The following MAPKAP1 variants were observed in gnomAD, a reference collection of about 807,000 sequenced individuals.
MAPKAP1 encodes MAPK associated protein 1.
Under a neutral mutation model 65.7 loss-of-function variants are expected in MAPKAP1, and 20 were observed. The observed-to-expected ratio is 0.30, with a 90% CI of 0.21 to 0.44. The LOEUF (loss-of-function observed/expected upper bound fraction) is 0.44. MAPKAP1 is among the 20% of genes least tolerant of loss of function. The pLI is 1.00. For missense variants in MAPKAP1, 423 were observed against 648.0 expected (o/e 0.65, Z 3.77); for synonymous variants, 222 against 244.3 (o/e 0.91, Z 0.85).
intron 5 of MAPKAP1, among the ~76,000 whole-genome samples, chr9:125,578,313 TG>T (rs1180012844): frequency 3.8e-4 from 58 of 152,116 alleles, no homozygotes; most frequent in African/African-American, 1.4e-3. Context: ...CAGGGTCCTC[TG>T]CCTAGGAAAA....
intron 7 of MAPKAP1, among the ~76,000 whole-genome samples, chr9:125,514,507 T>C (rs1472869455): frequency 6.6e-6 from 1 of 152,202 alleles, no homozygotes; most frequent in Admixed American, 6.5e-5. Flanking sequence ...TGACATTTAC[T>C]TGTCATTTTT....
chr9:125,467,825 T>G, intron 10 of MAPKAP1, 147 bp downstream of exon 10: 1 of 871,770 alleles, frequency 1.1e-6, no homozygotes, highest in Non-Finnish European at 1.8e-6. Flanking sequence ...TACAATCCCG[T>G]TTGATTAAAA....
chr9:125,594,078 C>T (rs559898059), intron 4 of MAPKAP1, among the ~76,000 whole-genome samples: 1 of 152,354 alleles, frequency 6.6e-6, no homozygotes, highest in Admixed American at 6.5e-5. Flanking sequence ...CCTCCCAAAT[C>T]TCTCTCCTTC....
chr9:125,496,625 C>T (rs780585209), intron 8 of MAPKAP1, among the ~76,000 whole-genome samples: 1 of 152,130 alleles, frequency 6.6e-6, no homozygotes, highest in East Asian at 1.9e-4. Flanking sequence ...ACAGAGCACA[C>T]GCAGGAGGAA....
chr9:125,615,504 C>T (rs533950300), intron 4 of MAPKAP1, among the ~76,000 whole-genome samples: 13 of 146,246 alleles, frequency 8.9e-5, no homozygotes, highest in African/African-American at 3.4e-4. Flanking sequence ...ACCAGCCTGG[C>T]CAACATGGCA....
chr9:125,505,344 G>T (rs993933003), intron 8 of MAPKAP1, among the ~76,000 whole-genome samples: 2 of 152,130 alleles, frequency 1.3e-5, no homozygotes, highest in African/African-American at 4.8e-5. Flanking sequence ...AGAATCGCTT[G>T]AACCTGGGAG....
intron 1 of MAPKAP1, among the ~76,000 whole-genome samples, chr9:125,676,442 C>A (rs537073626): frequency 6.6e-6 from 1 of 152,296 alleles, no homozygotes; most frequent in South Asian, 2.1e-4. Flanking sequence ...ATTGTTCAGC[C>A]TTCAAACACA....
intron 4 of MAPKAP1, among the ~76,000 whole-genome samples, chr9:125,617,972 T>C (rs953455166): frequency 1.3e-5 from 2 of 152,190 alleles, no homozygotes; most frequent in Non-Finnish European, 2.9e-5. Context: ...ATTTAATTTT[T>C]TCTAATTTAA....
At chr9:125,513,407 T>C (rs914513100) in intron 7 of MAPKAP1, among the ~76,000 whole-genome samples, 3 of 152,146 alleles carry the variant, frequency 2.0e-5, no homozygotes, top group Non-Finnish European at 4.4e-5. Flanking sequence ...ATTCACCAAT[T>C]TAAAGAGCTG....
intron 4 of MAPKAP1, among the ~76,000 whole-genome samples, chr9:125,598,407 A>C (rs930421028): frequency 6.6e-6 from 1 of 152,244 alleles, no homozygotes; most frequent in Non-Finnish European, 1.5e-5. Context: ...AGCTTAAAAT[A>C]AAATTGACAA....
rs187546991 is a variant in MAPKAP1, at chr9:125,537,533, G to A, written c.958+5526C>T. On this transcript the variant is annotated intron_variant, in intron 7 of 11. Transcript: ENST00000265960. Reference sequence around the variant, plus strand: ...GTCTTGCTCTGTCACCCAGGCTGAAGTGCAGTAGTGTGATCATGCCTCACT... The same window carrying A: ...GTCTTGCTCTGTCACCCAGGCTGAAATGCAGTAGTGTGATCATGCCTCACT... Among the ~76,000 whole-genome samples, 102 of 152,322 alleles carry A rather than the reference G, an allele frequency of 6.7e-4. 1 individual carries two copies. The highest frequency in any genetic ancestry group is 1.0e-3 in the South Asian group (5 of 4,812).
intron 4 of MAPKAP1, among the ~76,000 whole-genome samples, chr9:125,636,621 A>G (rs1833432376): frequency 6.6e-6 from 1 of 152,240 alleles, no homozygotes. Context: ...ATCTACTACC[A>G]GACCATTCAC....
In MAPKAP1 at chr9:125,693,662, C is replaced by CATAT. The variant is rs1564620087; in HGVS notation, c.-70+13308_-70+13309insATAT. ...ACACACATATACACGTATACATACACACACATATACACGTATATATACACG... is the reference window on the plus strand; with the variant it reads ...ACACACATATACACGTATACATACACATATACACATATACACGTATATATACACG... On this transcript the variant is annotated intron_variant, in intron 1 of 11. Coordinates refer to ENST00000265960, the MANE Select transcript of MAPKAP1 (RefSeq NM_001006617.3). Among the ~76,000 whole-genome samples the CATAT allele has an allele frequency of 4.7e-4, 67 of 141,978 alleles. 1 individual carries two copies. The highest frequency in any genetic ancestry group is 4.5e-3 in the East Asian group (17 of 3,762). 93.1% of individuals were successfully genotyped at this position (141,978 alleles called of 152,430 possible). A position where few individuals can be genotyped will look rare whatever the true frequency, so the allele number is the denominator to read the frequency against.
At chr9:125,482,547 A>C (rs1854356911) in intron 9 of MAPKAP1, among the ~76,000 whole-genome samples, 1 of 152,200 alleles carries the variant, frequency 6.6e-6, no homozygotes, top group Admixed American at 6.5e-5. Flanking sequence ...TCACCACTTT[A>C]GATATTTAAG....
At chr9:125,573,881 C>G (rs1331767820) in intron 5 of MAPKAP1, among the ~76,000 whole-genome samples, 1 of 152,178 alleles carries the variant, frequency 6.6e-6, no homozygotes, top group Non-Finnish European at 1.5e-5. Flanking sequence ...CTTCAGAGCA[C>G]TTAATTCAGT....
intron 4 of MAPKAP1, among the ~76,000 whole-genome samples, chr9:125,593,605 T>A (rs1254712212): frequency 6.6e-6 from 1 of 151,694 alleles, no homozygotes; most frequent in Non-Finnish European, 1.5e-5. Flanking sequence ...GAGGTTGCAG[T>A]GAGTAGAGAT....
intron 7 of MAPKAP1, 81 bp downstream of exon 7, chr9:125,542,978 C>T (rs1830298378): frequency 1.1e-6 from 1 of 925,080 alleles, no homozygotes; most frequent in South Asian, 1.3e-5. Flanking sequence ...TCTAGCCAGC[C>T]ATCACACACA....
chr9:125,607,763 C>A (rs1368253522), intron 4 of MAPKAP1, among the ~76,000 whole-genome samples: 1 of 152,234 alleles, frequency 6.6e-6, no homozygotes, highest in Non-Finnish European at 1.5e-5. Flanking sequence ...TCAAGCGATT[C>A]TCCTGCCTCA....
At chr9:125,628,624 A>T (rs908647179) in intron 4 of MAPKAP1, among the ~76,000 whole-genome samples, 2 of 152,210 alleles carry the variant, frequency 1.3e-5, no homozygotes, top group African/African-American at 4.8e-5. Flanking sequence ...CTCTAGAAGA[A>T]ATCAAGGGAG....
Sources: allele counts gnomAD v4.1 joint callset (sites outside exome capture counted in the v4.1 genomes callset), GRCh38; gene constraint gnomAD v4.1.1; transcripts MANE v1.5; gene names NCBI Gene and HGNC (gene_info 2026-07-23, HGNC 2026-07-21).